The following ZDHHC22 variants were observed in gnomAD, a reference collection of about 807,000 sequenced individuals.
ZDHHC22 encodes palmitoyltransferase ZDHHC22.
ZDHHC22 carries 13 observed loss-of-function variants against 17.0 expected under a neutral mutation model. The ratio of observed to expected loss-of-function variants is 0.76; its 90% CI spans 0.50 to 1.21. ZDHHC22 has a LOEUF of 1.21. Ranked by LOEUF, ZDHHC22 falls within the 50% of genes most tolerant of loss-of-function variation. The pLI is 0.00. For missense variants in ZDHHC22, 319 were observed against 342.3 expected, an observed-to-expected ratio of 0.93 and a Z score of 0.54; for synonymous variants, 138 against 154.7, an observed-to-expected ratio of 0.89 and a Z score of 0.80.
At position 77,139,617 on chromosome 14, in the gene ZDHHC22, G is replaced by A; in HGVS notation, c.122C>T (p.Ala41Val). ...GAGCAGGGCGGGCGAGAAGAGCCGG[G>A]CGGCCGCGGGGTCCTCGCGCATGCT... is the stretch of plus-strand genomic sequence containing the variant. ...LPSMREDPAAARLFSPALLHG... is the reference protein window; with the variant it reads ...LPSMREDPAAVRLFSPALLHG... Residue 41 changes from alanine to valine, a missense_variant, in exon 2 of 3, where the codon GCC (alanine) becomes GTC (valine). Physicochemically the swap from Ala to Val is moderately conservative, Grantham distance 64. Coordinates refer to ENST00000319374, the MANE Select transcript of ZDHHC22 (RefSeq NM_174976.2). 6.3e-7 allele frequency: 1 copy of A among 1,582,460 alleles called. No homozygotes were observed. Among genetic ancestry groups the A allele is most frequent in the Non-Finnish European group, 8.6e-7 (1 of 1,163,990 alleles).
chr14:77,134,033 G>C lies in ZDHHC22; in HGVS notation c.527-85C>G, dbSNP rs536854124. On this transcript the variant is annotated intron_variant, in intron 2 of 2. Coordinates refer to ENST00000319374, the MANE Select transcript of ZDHHC22 (RefSeq NM_174976.2). ...CTGCGATCTAGGCAGGCTTTCCACC[G>C]GGAGGGAGGGAGATTAATGAGATTG... 9.3e-5 allele frequency: 131 copies of C among 1,414,846 alleles called. 1 individual carries two copies. The highest frequency in any genetic ancestry group is 1.2e-4 in the Non-Finnish European group (123 of 1,065,720). 87.6% of individuals were successfully genotyped at this position (1,414,846 alleles called of 1,614,324 possible).
Position 77,140,101 on chromosome 14 carries a change from CTGTGGA to C in ZDHHC22, c.-14-355_-14-350del, listed in dbSNP as rs1887224675. On this transcript the variant is annotated intron_variant, in intron 1 of 2. Transcript: ENST00000319374. The surrounding 1 kb of genome is among the most constrained non-coding windows in gnomAD (Gnocchi z 5.9). ...CACCGGGGGATAGGACTCCTCCCCT[CTGTGGA>C]TGTGGAAACAAGCCCAGGTTTGGGA... Among the ~76,000 whole-genome samples the C allele has an allele frequency of 6.6e-6, 1 of 152,010 alleles. No homozygotes were observed. The highest frequency in any genetic ancestry group is 2.1e-4 in the South Asian group (1 of 4,832).
chr14:77,139,636 G>T lies in ZDHHC22; in HGVS notation c.103C>A (p.Arg35Ser). 6.3e-7 allele frequency: 1 copy of T among 1,577,180 alleles called. No homozygotes were observed. The highest frequency in any genetic ancestry group is 8.6e-7 in the Non-Finnish European group (1 of 1,161,460). Residue 35 changes from arginine (R) to serine (S), a missense_variant, in exon 2 of 3, where the codon CGC becomes AGC. By Grantham distance (110) the Arg-to-Ser change is moderately radical (BLOSUM62 -1). Transcript: ENST00000319374. ...AGCCGGGCGGCCGCGGGGTCCTCGCGCATGCTGGGCAGGAAGAGGAAGAGC... is the reference window on the plus strand; with the variant it reads ...AGCCGGGCGGCCGCGGGGTCCTCGCTCATGCTGGGCAGGAAGAGGAAGAGC... ...LQLFLFLPSM[R>S]EDPAAARLFS... is the part of the protein sequence containing the mutation.
chr14:77,133,317 C>T lies in ZDHHC22; in HGVS notation c.*366G>A, dbSNP rs1250237972. The T allele has an allele frequency of 5.1e-6, 1 of 197,108 alleles. No individual in the cohort carries two copies. Among genetic ancestry groups the T allele is most frequent in the East Asian group, 1.3e-4 (1 of 7,808 alleles). The allele number at this position is 197,108 out of a possible 1,614,324, so 12.2% of individuals were successfully genotyped here. A position where few individuals can be genotyped will look rare whatever the true frequency, so the allele number is the denominator to read the frequency against. ...GCAAGAATCCACTCCCCTCTCCCAA[C>T]ATGGGGGCTGAGAGGAAGGGCTCTA... On this transcript the variant is annotated 3_prime_UTR_variant, in exon 3 of 3. Transcript: ENST00000319374.
At chr14:77,137,033 T>C (rs1566811874) in intron 2 of ZDHHC22, among the ~76,000 whole-genome samples, 1 of 152,186 alleles carries the variant, frequency 6.6e-6, no homozygotes, top group Non-Finnish European at 1.5e-5. Flanking sequence ...CCCATGCTTC[T>C]TACTCTTTTC....
chr14:77,137,913 T>C (rs571941996), intron 2 of ZDHHC22, among the ~76,000 whole-genome samples: 2 of 152,254 alleles, frequency 1.3e-5, no homozygotes, highest in Admixed American at 1.3e-4. Flanking sequence ...GCATGTTCTA[T>C]TCCCTGAGCC....
At chr14:77,138,902 G>A (rs546662646) in intron 2 of ZDHHC22, among the ~76,000 whole-genome samples, 1 of 152,298 alleles carries the variant, frequency 6.6e-6, no homozygotes, top group African/African-American at 2.4e-5. Flanking sequence ...AACTCTGTGA[G>A]CATATGGACA....
chr14:77,133,476 G>T lies in ZDHHC22; in HGVS notation c.*207C>A, dbSNP rs544711526. 7.4e-6 allele frequency: 5 copies of T among 672,284 alleles called. No homozygotes were observed. The highest frequency in any genetic ancestry group is 3.5e-5 in the Admixed American group (1 of 28,366). The allele number at this position is 672,284 out of a possible 1,614,324, so 41.6% of individuals were successfully genotyped here. On this transcript the variant is annotated 3_prime_UTR_variant, in exon 3 of 3. Coordinates refer to ENST00000319374, the MANE Select transcript of ZDHHC22 (RefSeq NM_174976.2). ...AGCAGCCACCTGGCTGGCTCGTGAG[G>T]AGCCTAGAAATGCCTGGGGGGACAT...
At chr14:77,134,766 T>A (rs1887103351) in intron 2 of ZDHHC22, among the ~76,000 whole-genome samples, 1 of 152,170 alleles carries the variant, frequency 6.6e-6, no homozygotes, top group Admixed American at 6.5e-5. Flanking sequence ...GGGTGGCTGG[T>A]CCATGCTAGG....
At chr14:77,141,469 G>C (rs747816283) in intron 1 of ZDHHC22, 134 bp downstream of exon 1, 1 of 153,038 alleles carries the variant, frequency 6.5e-6, no homozygotes, top group Non-Finnish European at 1.5e-5. Context: ...GGCACAGCCG[G>C]AGCCTTGGAA....
rs146510138 is a variant in ZDHHC22, at chr14:77,134,037, G to A, written c.527-89C>T. 1.2e-3 allele frequency: 1,633 copies of A among 1,419,660 alleles called. 15 individuals carry two copies. The African/African-American group carries it at 0.018, about 16-fold the overall frequency. 87.9% of individuals were successfully genotyped at this position (1,419,660 alleles called of 1,614,324 possible). ...GATCTAGGCAGGCTTTCCACCGGGA[G>A]GGAGGGAGATTAATGAGATTGACGC... On this transcript the variant is annotated intron_variant, in intron 2 of 2. Transcript: ENST00000319374.
chr14:77,136,726 C>T (rs540623993), intron 2 of ZDHHC22, among the ~76,000 whole-genome samples: 1 of 152,324 alleles, frequency 6.6e-6, no homozygotes, highest in East Asian at 1.9e-4. Flanking sequence ...GGTGACAGAT[C>T]TGACTCAGAT....
rs747285948 is a variant in ZDHHC22, at chr14:77,139,618, C to A, written c.121G>T (p.Ala41Ser). 2 of 1,581,610 alleles carry A rather than the reference C, an allele frequency of 1.3e-6. No individual in the cohort carries two copies. Among genetic ancestry groups the A allele is most frequent in the Middle Eastern group, 1.7e-4 (1 of 6,004 alleles). Residue 41 changes from alanine to serine, a missense_variant, in exon 2 of 3, where the codon GCC (alanine) becomes TCC (serine). Transcript: ENST00000319374. Reference sequence around the variant, plus strand: ...AGCAGGGCGGGCGAGAAGAGCCGGGCGGCCGCGGGGTCCTCGCGCATGCTG... The same window carrying A: ...AGCAGGGCGGGCGAGAAGAGCCGGGAGGCCGCGGGGTCCTCGCGCATGCTG... ...LPSMREDPAA[A>S]RLFSPALLHG... is the part of the protein sequence containing the mutation.
At position 77,131,413 on chromosome 14, in the gene ZDHHC22, G is replaced by A. The variant is rs1594828315; in HGVS notation, c.*2270C>T. The A allele has an allele frequency of 6.6e-6, 1 of 152,344 alleles. No individual in the cohort carries two copies. Among genetic ancestry groups the A allele is most frequent in the East Asian group, 1.9e-4 (1 of 5,192 alleles). The allele number at this position is 152,344 out of a possible 1,614,324, so 9.4% of individuals were successfully genotyped here. A position where few individuals can be genotyped will look rare whatever the true frequency, so the allele number is the denominator to read the frequency against. ...GTCTGCAAGCAGCCAACATCCTGTA[G>A]GTCTCCCTGTTGCCCTTCCCCAGGA... On this transcript the variant is annotated 3_prime_UTR_variant, in exon 3 of 3. Coordinates refer to ENST00000319374, the MANE Select transcript of ZDHHC22 (RefSeq NM_174976.2).
chr14:77,134,572 T>C (rs1887100371), intron 2 of ZDHHC22, among the ~76,000 whole-genome samples: 1 of 152,180 alleles, frequency 6.6e-6, no homozygotes, highest in African/African-American at 2.4e-5. Flanking sequence ...GAGGACAGTG[T>C]GGCCACCACC....
chr14:77,140,067 G>A lies in ZDHHC22; in HGVS notation c.-14-315C>T, dbSNP rs1373258122. Among the ~76,000 whole-genome samples, 2 of 152,170 alleles carry A rather than the reference G, an allele frequency of 1.3e-5. No homozygotes were observed. Among genetic ancestry groups the A allele is most frequent in the Non-Finnish European group, 2.9e-5 (2 of 68,018 alleles). Reference sequence around the variant, plus strand: ...GTTTGCAGTCTTTAGGAGTTGTGAGGGTGGGGGGCACCGGGGGATAGGACT... The same window carrying A: ...GTTTGCAGTCTTTAGGAGTTGTGAGAGTGGGGGGCACCGGGGGATAGGACT... On this transcript the variant is annotated intron_variant, in intron 1 of 2. Transcript: ENST00000319374. The surrounding 1 kb of genome is among the most constrained non-coding windows in gnomAD (Gnocchi z 5.9).
Position 77,133,491 on chromosome 14 carries a change from T to G in ZDHHC22, c.*192A>C, listed in dbSNP as rs1594829256. The G allele has an allele frequency of 2.6e-6, 2 of 779,848 alleles. No homozygotes were observed. Among genetic ancestry groups the G allele is most frequent in the East Asian group, 2.9e-5 (1 of 34,058 alleles). The allele number at this position is 779,848 out of a possible 1,614,324, so 48.3% of individuals were successfully genotyped here. On this transcript the variant is annotated 3_prime_UTR_variant, in exon 3 of 3. Transcript: ENST00000319374. Reference sequence around the variant, plus strand: ...GGCTCGTGAGGAGCCTAGAAATGCCTGGGGGGACATTTTTCCTCCTTGTCA... The same window carrying G: ...GGCTCGTGAGGAGCCTAGAAATGCCGGGGGGGACATTTTTCCTCCTTGTCA...
In ZDHHC22 at chr14:77,131,696, A is replaced by G. The variant is rs1887029550; in HGVS notation, c.*1987T>C. The G allele has an allele frequency of 6.6e-6, 1 of 152,098 alleles. No homozygotes were observed. Among genetic ancestry groups the G allele is most frequent in the Non-Finnish European group, 1.5e-5 (1 of 68,020 alleles). 9.4% of individuals were successfully genotyped at this position (152,098 alleles called of 1,614,324 possible). ...TTATTTCCAAATGACCTGCCCCACC[A>G]ACCACCAAGATGGCAGAGTGACCAT... is the stretch of plus-strand genomic sequence containing the variant. On this transcript the variant is annotated 3_prime_UTR_variant, in exon 3 of 3. Coordinates refer to ENST00000319374, the MANE Select transcript of ZDHHC22 (RefSeq NM_174976.2).
intron 2 of ZDHHC22, among the ~76,000 whole-genome samples, chr14:77,134,647 C>A (rs530674533): frequency 1.2e-4 from 19 of 152,152 alleles, no homozygotes; most frequent in Admixed American, 5.9e-4. Context: ...GGTCATCAGC[C>A]CTGTGTCGTG....
Sources: allele counts gnomAD v4.1 joint callset (sites outside exome capture counted in the v4.1 genomes callset), GRCh38; gene constraint gnomAD v4.1.1; non-coding constraint Gnocchi (gnomAD v3.1); transcripts MANE v1.5; gene names NCBI Gene and HGNC (gene_info 2026-07-23, HGNC 2026-07-21).